ADH1C: variants seen among roughly 807,000 people sequenced by gnomAD.
ADH1C encodes the protein alcohol dehydrogenase 1C.
A neutral mutation model predicts 35.0 loss-of-function variants in ADH1C; 26 were observed. That is an observed-to-expected ratio of 0.74 (90% CI 0.54 to 1.03). The LOEUF is 1.03. ADH1C is among the 50% of genes least tolerant of loss of function. The pLI is 0.00. For synonymous variants in ADH1C, 170 were observed against 169.3 expected (o/e 1.00, Z -0.03); for missense variants, 413 against 465.4 (o/e 0.89, Z 1.04).
chr4:99,345,426 A>C (rs1662053), intron 3 of ADH1C, among the ~76,000 whole-genome samples, 160 bp from the exon 4 acceptor site: 47,503 of 152,180 alleles, frequency 0.31, 8,855 homozygotes, highest in Non-Finnish European at 0.41. Flanking sequence ...CTGCCAAGGC[A>C]TTGTTTTTTA....
rs1734284187 is a variant in ADH1C at position 99,336,704 on chromosome 4, G to A, written c.*48C>T. On this transcript the variant is annotated 3_prime_UTR_variant, in exon 9 of 9. Transcript: ENST00000515683. ...CCTAGCTGTTGCTCCAGATCATGTA[G>A]GGTAGAGGAGGCTGAAAACTGCTAC... 2 of 1,600,358 alleles carry A rather than the reference G, an allele frequency of 1.2e-6. No individual in the cohort carries two copies. Among genetic ancestry groups the A allele is most frequent in the Non-Finnish European group, 1.7e-6 (2 of 1,167,840 alleles).
At chr4:99,338,579 T>G (rs1302478387) in intron 8 of ADH1C, among the ~76,000 whole-genome samples, 1 of 149,584 alleles carries the variant, frequency 6.7e-6, no homozygotes, top group African/African-American at 2.5e-5. Flanking sequence ...TGCTTCTTAG[T>G]TTTCTCTTCT....
rs373377179 is a variant in ADH1C, at chr4:99,351,505, T to C, written c.18+1153A>G. ...TGGTTTATACTTTTGCTCTATGAACTCATTATTTCTTTTAAGTCGAGTTTA... is the reference window on the plus strand; with the variant it reads ...TGGTTTATACTTTTGCTCTATGAACCCATTATTTCTTTTAAGTCGAGTTTA... On this transcript the variant is annotated intron_variant, in intron 1 of 8. Coordinates refer to ENST00000515683, the MANE Select transcript of ADH1C (RefSeq NM_000669.5). 6.6e-5 allele frequency among the ~76,000 whole-genome samples: 10 copies of C among 152,390 alleles called. No homozygotes were observed. The South Asian group carries it at 1.9e-3, about 28-fold the overall frequency.
chr4:99,340,690 A>G lies in ADH1C; in HGVS notation c.849T>C (p.Cys283=), dbSNP rs371340289. The change falls in exon 7 of 9, where the codon TGT becomes TGC. Residue 283 remains cysteine, a synonymous_variant. Coordinates refer to ENST00000515683, the MANE Select transcript of ADH1C (RefSeq NM_000669.5). ...TGACACTTGTGCCACATGCCTCATG[A>G]CAACATAACAGGGAAGCCATCTGGA... ...LDTMMASLLC[C]HEACGTSVIV... The G allele has an allele frequency of 1.7e-5, 28 of 1,612,684 alleles. No individual in the cohort carries two copies. Among genetic ancestry groups the G allele is most frequent in the Non-Finnish European group, 2.3e-5 (27 of 1,180,018 alleles).
intron 3 of ADH1C, among the ~76,000 whole-genome samples, chr4:99,345,574 A>G (rs1270673019): frequency 6.6e-6 from 1 of 152,274 alleles, no homozygotes; most frequent in African/African-American, 2.4e-5. Context: ...CTTTGCAGAT[A>G]TAATTTATGT....
intron 3 of ADH1C, among the ~76,000 whole-genome samples, chr4:99,346,616 T>C (rs1003307060): frequency 2.0e-5 from 3 of 152,084 alleles, no homozygotes; most frequent in African/African-American, 2.4e-5. Context: ...TCCATACTTA[T>C]GTTTTTTTTT....
intron 5 of ADH1C, among the ~76,000 whole-genome samples, chr4:99,343,507 G>A (rs1043986752): frequency 7.9e-5 from 12 of 152,042 alleles, no homozygotes; most frequent in Non-Finnish European, 7.4e-5. Flanking sequence ...GGCAATATTC[G>A]GAAAATAAAA....
At chr4:99,348,129 TG>T (rs1329715539) in intron 1 of ADH1C, among the ~76,000 whole-genome samples, 37 of 152,296 alleles carry the variant, frequency 2.4e-4, no homozygotes, top group African/African-American at 7.5e-4. Context: ...TTTTTTTGAA[TG>T]TTTTTTTAAT....
intron 2 of ADH1C, 146 bp downstream of exon 2, chr4:99,347,599 T>TTATATC: frequency 1.0e-6 from 1 of 988,268 alleles, no homozygotes; most frequent in Non-Finnish European, 1.4e-6. Flanking sequence ...ATTTAACAAT[T>TTATATC]TATACTTTCC....
At chr4:99,340,993 T>C (rs1734402849) in intron 6 of ADH1C, among the ~76,000 whole-genome samples, 1 of 152,232 alleles carries the variant, frequency 6.6e-6, no homozygotes, top group South Asian at 2.1e-4. Flanking sequence ...CAAACATATA[T>C]AAAGTCCTGT....
rs1339902491 is a variant in ADH1C at position 99,345,088 on chromosome 4, A to C, written c.348-7T>G. The C allele has an allele frequency of 6.2e-7, 1 of 1,614,204 alleles. No individual in the cohort carries two copies. Among genetic ancestry groups the C allele is most frequent in the South Asian group, 1.1e-5 (1 of 91,088 alleles). ...CCCCCGAGGATTGCCTAGACTGGGC[A>C]GTGCAATACAAAGACACACAAAGGC... is the stretch of plus-strand genomic sequence containing the variant. On this transcript the variant is annotated splice_region_variant and splice_polypyrimidine_tract_variant and intron_variant, in intron 4 of 8. Transcript: ENST00000515683.
rs950347877 is a variant in ADH1C, at chr4:99,336,849, G to C, written c.1104-73C>G. ...ATGCTTCCATGTGATAGTCCAAGGAGTATTTGAGGTGACTTAGTGAAAATC... is the reference window on the plus strand; with the variant it reads ...ATGCTTCCATGTGATAGTCCAAGGACTATTTGAGGTGACTTAGTGAAAATC... On this transcript the variant is annotated intron_variant, in intron 8 of 8. Coordinates refer to ENST00000515683, the MANE Select transcript of ADH1C (RefSeq NM_000669.5). 2.5e-6 allele frequency: 4 copies of C among 1,595,816 alleles called. No individual in the cohort carries two copies. The African/African-American group carries it at 5.4e-5, about 21-fold the overall frequency.
chr4:99,339,835 A>G (rs1734372422), intron 7 of ADH1C, 120 bp from the exon 8 acceptor site: 1 of 957,812 alleles, frequency 1.0e-6, no homozygotes, highest in Non-Finnish European at 1.6e-6. Context: ...GCTATAACTG[A>G]GGATAATAAG....
At chr4:99,349,431 C>T (rs1325511102) in intron 1 of ADH1C, among the ~76,000 whole-genome samples, 1 of 152,006 alleles carries the variant, frequency 6.6e-6, no homozygotes, top group Non-Finnish European at 1.5e-5. Context: ...TAACACTGTC[C>T]TGAAGACAAC....
rs1441372897 is a variant in ADH1C at position 99,345,176 on chromosome 4, T to C, written c.347+3A>G. On this transcript the variant is annotated splice_donor_region_variant and intron_variant, in intron 4 of 8. Coordinates refer to ENST00000515683, the MANE Select transcript of ADH1C (RefSeq NM_000669.5). Reference sequence around the variant, plus strand: ...CTGTGCAAAGAAAGCATCAGAAACTTACTCATTTTTCAAGCAGTAGTTGCT... The same window carrying C: ...CTGTGCAAAGAAAGCATCAGAAACTCACTCATTTTTCAAGCAGTAGTTGCT... 1 of 1,613,768 alleles carries C rather than the reference T, an allele frequency of 6.2e-7. No individual in the cohort carries two copies. The highest frequency in any genetic ancestry group is 8.5e-7 in the Non-Finnish European group (1 of 1,179,852).
intron 2 of ADH1C, 85 bp downstream of exon 2, chr4:99,347,660 C>G: frequency 8.0e-7 from 1 of 1,255,918 alleles, no homozygotes; most frequent in Non-Finnish European, 1.1e-6. Flanking sequence ...AAAAATACCT[C>G]TAGTGGATTT....
chr4:99,351,381 G>C (rs1734676576), intron 1 of ADH1C, among the ~76,000 whole-genome samples: 1 of 152,092 alleles, frequency 6.6e-6, no homozygotes, highest in South Asian at 2.1e-4. Context: ...TGCAGGACGG[G>C]TAAACATAAA....
At chr4:99,337,681 A>G (rs571695056) in intron 8 of ADH1C, among the ~76,000 whole-genome samples, 189 of 152,236 alleles carry the variant, frequency 1.2e-3, no homozygotes, top group African/African-American at 4.4e-3. Context: ...CCGCTAAAAA[A>G]AATCTGTAAT....
Position 99,347,846 on chromosome 4 carries a change from C to G in ADH1C, c.19G>C (p.Val7Leu). 2 of 1,613,568 alleles carry G rather than the reference C, an allele frequency of 1.2e-6. No individual in the cohort carries two copies. Among genetic ancestry groups the G allele is most frequent in the Non-Finnish European group, 1.7e-6 (2 of 1,179,658 alleles). MSTAGK[V>L]IKCKAAVLWE... is the part of the protein sequence containing the mutation. ...AGCACAGCTGCTTTGCATTTGATTA[C>G]CTAGAACATCAGACAGAGAGATGGT... The change falls in exon 2 of 9, where the codon GTA becomes CTA. Residue 7 changes from valine (V) to leucine (L), a missense_variant and splice_region_variant. Transcript: ENST00000515683.
Sources: allele counts gnomAD v4.1 joint callset (sites outside exome capture counted in the v4.1 genomes callset), GRCh38; gene constraint gnomAD v4.1.1; transcripts MANE v1.5; gene names NCBI Gene and HGNC (gene_info 2026-07-23, HGNC 2026-07-21).